Variants in NBEA observed in about 807,000 individuals in gnomAD.
NBEA encodes the protein neurobeachin, also known as lysosomal-trafficking regulator 2.
A neutral mutation model predicts 343.4 loss-of-function variants in NBEA; 44 were observed. The observed-to-expected ratio is 0.13, with a 90% CI of 0.10 to 0.16. NBEA has a LOEUF of 0.16. Among genes scored for constraint, NBEA ranks in the 10% least tolerant of loss-of-function variants. The probability of loss-of-function intolerance (pLI) is 1.00; values close to 1 mark genes in which losing one functional copy is unlikely to be tolerated. For missense variants in NBEA, 2,555 were observed against 3,631.3 expected (o/e 0.70, Z 7.62); for synonymous variants, 1,175 against 1,238.7 (o/e 0.95, Z 1.08).
intron 1 of NBEA, among the ~76,000 whole-genome samples, chr13:34,992,796 C>T (rs1203854549): frequency 2.0e-5 from 3 of 151,080 alleles, no homozygotes; most frequent in Admixed American, 2.0e-4. Context: ...CCTCAGCCTC[C>T]TGAGTAGCTG....
intron 56 of NBEA, among the ~76,000 whole-genome samples, chr13:35,665,507 G>T (rs2085309267): frequency 6.6e-6 from 1 of 152,094 alleles, no homozygotes; most frequent in South Asian, 2.1e-4. Flanking sequence ...GAGGTGGGGG[G>T]TCATGTCACT....
intron 38 of NBEA, among the ~76,000 whole-genome samples, chr13:35,393,502 A>G (rs1465128800): frequency 6.6e-6 from 1 of 152,132 alleles, no homozygotes; most frequent in East Asian, 1.9e-4. Context: ...TGGAATCCAA[A>G]ACATCATTTG....
At chr13:35,481,975 C>G (rs1412668737) in intron 41 of NBEA, among the ~76,000 whole-genome samples, 2 of 151,806 alleles carry the variant, frequency 1.3e-5, no homozygotes, top group Non-Finnish European at 3.0e-5. Context: ...CTGCATTGCT[C>G]TCATTACTGT....
chr13:35,279,776 A>G (rs1010565495), intron 34 of NBEA, among the ~76,000 whole-genome samples: 2 of 152,090 alleles, frequency 1.3e-5, no homozygotes, highest in African/African-American at 4.8e-5. Flanking sequence ...TTTTCCCATT[A>G]CACATGCCCC....
Position 35,211,075 on chromosome 13 carries a change from C to G in NBEA, c.5544C>G (p.Ser1848=). The change falls in exon 33 of 59, where the codon TCC becomes TCG. Residue 1848 remains serine, a synonymous_variant. Transcript: ENST00000379939. The part of the protein sequence containing the change: ...NTTGAVDSGS[S]SSSSSSSFVN... ...CAGGTGCCGTGGATTCAGGGTCCTC[C>G]TCCTCTTCCTCCTCTTCTAGTTTTG... 6.4e-7 allele frequency: 1 copy of G among 1,550,676 alleles called. No individual in the cohort carries two copies. The highest frequency in any genetic ancestry group is 8.7e-7 in the Non-Finnish European group (1 of 1,146,436).
intron 34 of NBEA, among the ~76,000 whole-genome samples, chr13:35,252,255 A>T (rs1427427951): frequency 2.0e-5 from 3 of 152,172 alleles, no homozygotes; most frequent in Non-Finnish European, 2.9e-5. Flanking sequence ...AGAACCCCTT[A>T]TGAAACCATC....
chr13:35,475,327 T>A (rs200268591), intron 41 of NBEA: 5 of 1,614,026 alleles, frequency 3.1e-6, no homozygotes, highest in Non-Finnish European at 4.2e-6. Context: ...CATATGGTAA[T>A]TGTTCAAGGG....
At chr13:35,435,172 G>A (rs111753281) in intron 39 of NBEA, among the ~76,000 whole-genome samples, 2,237 of 152,040 alleles carry the variant, frequency 0.015, 69 homozygotes, top group African/African-American at 0.051. Context: ...CACCACACCC[G>A]GCTAACTCTT....
chr13:35,483,461 T>G (rs879138619), intron 41 of NBEA, among the ~76,000 whole-genome samples: 2 of 152,026 alleles, frequency 1.3e-5, no homozygotes, highest in Admixed American at 6.6e-5. Context: ...TTACTTAATA[T>G]ATGCACATTC....
intron 34 of NBEA, among the ~76,000 whole-genome samples, chr13:35,283,074 T>A (rs997374454): frequency 6.6e-6 from 1 of 152,194 alleles, no homozygotes; most frequent in African/African-American, 2.4e-5. Flanking sequence ...AAAATCAGGT[T>A]ACTAGTTTAA....
intron 5 of NBEA, 42 bp downstream of exon 5, chr13:35,048,726 C>T (rs958657630): frequency 1.8e-6 from 2 of 1,089,126 alleles, no homozygotes; most frequent in Admixed American, 4.8e-5. Context: ...TCTTTAAGTA[C>T]TTGAATTCTA....
intron 1 of NBEA, among the ~76,000 whole-genome samples, chr13:35,039,610 A>T (rs2062574899): frequency 6.6e-6 from 1 of 152,198 alleles, no homozygotes; most frequent in Non-Finnish European, 1.5e-5. Context: ...CTGTAAAATG[A>T]AGATAATAAT....
chr13:35,369,791 A>G (rs1325475699), intron 38 of NBEA, among the ~76,000 whole-genome samples: 2 of 151,990 alleles, frequency 1.3e-5, no homozygotes, highest in African/African-American at 2.4e-5. Flanking sequence ...TGTCATCTGT[A>G]AAGAAGGATG....
intron 34 of NBEA, among the ~76,000 whole-genome samples, chr13:35,269,379 G>T (rs2033950618): frequency 6.6e-6 from 1 of 152,118 alleles, no homozygotes; most frequent in Admixed American, 6.5e-5. Flanking sequence ...GACAGTAAAA[G>T]ACCAAGTAAG....
chr13:35,428,761 T>C (rs1172375282), intron 38 of NBEA, among the ~76,000 whole-genome samples: 4 of 152,236 alleles, frequency 2.6e-5, no homozygotes, highest in Non-Finnish European at 5.9e-5. Context: ...TTCCAGGTTC[T>C]TGATATGACA....
chr13:35,037,941 C>A (rs745631801), intron 1 of NBEA, among the ~76,000 whole-genome samples: 1 of 152,166 alleles, frequency 6.6e-6, no homozygotes, highest in Non-Finnish European at 1.5e-5. Context: ...GTGGCAAAGT[C>A]CCCCTGGCCA....
chr13:34,963,705 TC>T (rs147510308), intron 1 of NBEA, among the ~76,000 whole-genome samples: 10,815 of 149,646 alleles, frequency 0.072, 437 homozygotes, highest in African/African-American at 0.092. Context: ...ACTCTTTTCT[TC>T]CCCCCCCCGA....
At chr13:35,427,969 C>T (rs1263287971) in intron 38 of NBEA, among the ~76,000 whole-genome samples, 1 of 152,174 alleles carries the variant, frequency 6.6e-6, no homozygotes, top group East Asian at 1.9e-4. Flanking sequence ...TGCCGTTTTT[C>T]AAGCCCATTG....
chr13:35,425,608 A>T (rs2044612051), intron 38 of NBEA, among the ~76,000 whole-genome samples: 1 of 152,200 alleles, frequency 6.6e-6, no homozygotes, highest in Non-Finnish European at 1.5e-5. Context: ...TGGTGCTGAA[A>T]AGAATGTATA....
Sources: gnomAD v4.1 joint callset for allele counts (sites outside exome capture counted in the v4.1 genomes callset) on GRCh38, gnomAD v4.1.1 for gene constraint, MANE v1.5 for transcripts, NCBI Gene and HGNC (gene_info 2026-07-23, HGNC 2026-07-21) for gene names.